UPF2: variants seen among roughly 807,000 people sequenced by gnomAD.
The protein encoded by UPF2 is UPF2 regulator of nonsense mediated mRNA decay, also known as regulator of nonsense transcripts 2.
UPF2 carries 17 observed loss-of-function variants against 141.4 expected under a neutral mutation model. The observed-to-expected ratio is 0.12, with a 90% confidence interval of 0.08 to 0.18. UPF2 has a LOEUF of 0.18. UPF2 is among the 10% of genes least tolerant of loss of function. UPF2 has a pLI of 1.00. For missense variants in UPF2, 1,152 were observed against 1,515.9 expected (o/e 0.76, Z 3.99); for synonymous variants, 540 against 498.0 (o/e 1.08, Z -1.12).
At position 11,936,785 on chromosome 10, in the gene UPF2, C is replaced by T. The variant is rs975708710; in HGVS notation, c.3379-73G>A. ...GATATATGTCAATATAAATTGCAAA[C>T]TCATTCAATGCTGTATTTCTTAAAA... On this transcript the variant is annotated intron_variant, in intron 18 of 21. Transcript: ENST00000357604. The surrounding 1 kb of genome is among the most constrained non-coding windows in gnomAD (Gnocchi z 6.6). 3 of 1,386,628 alleles carry T rather than the reference C, an allele frequency of 2.2e-6. No homozygotes were observed. In the African/African-American group the frequency reaches 4.4e-5, roughly 20 times the overall value. The allele number at this position is 1,386,628 out of a possible 1,614,324, so 85.9% of individuals were successfully genotyped here.
chr10:11,962,669 T>C (rs762683845), intron 11 of UPF2, among the ~76,000 whole-genome samples: 9 of 152,160 alleles, frequency 5.9e-5, no homozygotes, highest in African/African-American at 1.7e-4. Context: ...AATCTGATCA[T>C]ATCCACCCTA....
rs1257944555 is a variant in UPF2, at chr10:11,940,438, A to G, written c.3378+2227T>C. ...GCTTTCAATATACTCTACCCATCAC[A>G]TTTCTGTTTTCACTCCACGTAACCT... On this transcript the variant is annotated intron_variant, in intron 18 of 21. Coordinates refer to ENST00000357604, the MANE Select transcript of UPF2 (RefSeq NM_015542.4). This position sits in a 1 kb window ranked among gnomAD's most constrained non-coding sequence, Gnocchi z 4.2. Among the ~76,000 whole-genome samples the G allele has an allele frequency of 6.6e-6, 1 of 152,028 alleles. No individual in the cohort carries two copies. Among genetic ancestry groups the G allele is most frequent in the African/African-American group, 2.4e-5 (1 of 41,380 alleles).
intron 18 of UPF2, among the ~76,000 whole-genome samples, chr10:11,941,299 TATA>T (rs1307490496): frequency 1.3e-5 from 2 of 152,222 alleles, no homozygotes; most frequent in African/African-American, 4.8e-5. Context: ...TCCAAGGGAT[TATA>T]ATGATTATGT....
At chr10:11,961,177 A>G (rs1180349020) in intron 11 of UPF2, among the ~76,000 whole-genome samples, 1 of 152,112 alleles carries the variant, frequency 6.6e-6, no homozygotes, top group Admixed American at 6.6e-5. Context: ...CAGGACAGAC[A>G]TGATTCCTAC....
At chr10:12,024,143 A>G (rs920439000) in intron 3 of UPF2, among the ~76,000 whole-genome samples, 2 of 152,156 alleles carry the variant, frequency 1.3e-5, no homozygotes, top group Admixed American at 6.6e-5. Context: ...ATTTAGTCCT[A>G]TGATGTAGAA....
chr10:11,934,778 C>T (rs182298178), intron 19 of UPF2, among the ~76,000 whole-genome samples: 272 of 152,110 alleles, frequency 1.8e-3, no homozygotes, highest in African/African-American at 5.8e-3. Context: ...TTAGTAGAGA[C>T]GGGGTTTCAC....
intron 16 of UPF2, among the ~76,000 whole-genome samples, chr10:11,945,078 G>A (rs967956834): frequency 2.0e-5 from 3 of 152,194 alleles, no homozygotes; most frequent in Admixed American, 6.5e-5. Flanking sequence ...AACTATTACT[G>A]CTATTATAAG....
At chr10:11,942,871 A>C in intron 17 of UPF2, 108 bp from the exon 18 acceptor site, 1 of 1,003,468 alleles carries the variant, frequency 1.0e-6, no homozygotes, top group South Asian at 1.5e-5. Flanking sequence ...CAAGGAGTAA[A>C]GTGAGTAAAA....
intron 8 of UPF2, among the ~76,000 whole-genome samples, chr10:11,983,005 A>G (rs144590837): frequency 1.2e-3 from 187 of 152,214 alleles, no homozygotes; most frequent in Non-Finnish European, 2.1e-3. Flanking sequence ...TGTTACCCCT[A>G]CCCACCAAAA....
chr10:12,006,785 G>C (rs921595828), intron 4 of UPF2, among the ~76,000 whole-genome samples: 1 of 152,170 alleles, frequency 6.6e-6, no homozygotes, highest in South Asian at 2.1e-4. Flanking sequence ...AGAATTTCCT[G>C]AGTGAAAGGA....
intron 3 of UPF2, among the ~76,000 whole-genome samples, chr10:12,018,838 T>C (rs1834270058): frequency 6.6e-6 from 1 of 152,218 alleles, no homozygotes; most frequent in African/African-American, 2.4e-5. Context: ...GTACTAAAAA[T>C]GTCAGGGTAT....
intron 16 of UPF2, among the ~76,000 whole-genome samples, chr10:11,947,014 C>A (rs927692729): frequency 6.6e-6 from 1 of 152,206 alleles, no homozygotes; most frequent in African/African-American, 2.4e-5. Context: ...TTAGGTTGGC[C>A]AACATGGTGA....
chr10:11,979,309 T>A lies in UPF2; in HGVS notation c.1845-144A>T, dbSNP rs1833555684. ...CAGACATGCCTATTTATTGCCATCA[T>A]AAAGAAGTGTTTGAAAATTCAATGA... On this transcript the variant is annotated intron_variant, in intron 8 of 21. Transcript: ENST00000357604. The surrounding 1 kb of genome is among the most constrained non-coding windows in gnomAD (Gnocchi z 6.2). 1 of 533,512 alleles carries A rather than the reference T, an allele frequency of 1.9e-6. No homozygotes were observed. The allele number at this position is 533,512 out of a possible 1,614,324, so 33.0% of individuals were successfully genotyped here.
chr10:11,955,776 T>C (rs1833139326), intron 13 of UPF2, among the ~76,000 whole-genome samples: 1 of 152,240 alleles, frequency 6.6e-6, no homozygotes, highest in African/African-American at 2.4e-5. Flanking sequence ...AGTTAAAATG[T>C]AATTCTACCC....
chr10:12,003,338 C>T (rs1031767741), intron 5 of UPF2, among the ~76,000 whole-genome samples: 2 of 152,156 alleles, frequency 1.3e-5, no homozygotes, highest in African/African-American at 4.8e-5. Context: ...TCTCAAAAAA[C>T]ATACAATTTA....
In UPF2 at chr10:11,980,559, C is replaced by T. The variant is rs950455894; in HGVS notation, c.1845-1394G>A. Among the ~76,000 whole-genome samples the T allele has an allele frequency of 9.9e-5, 15 of 151,876 alleles. No individual in the cohort carries two copies. The highest frequency in any genetic ancestry group is 3.3e-4 in the Admixed American group (5 of 15,234). ...ACCAGCCTGGCCAATATGGTGAAAC[C>T]CCATCTCTACCAAAAATATAAAAAT... On this transcript the variant is annotated intron_variant, in intron 8 of 21. Transcript: ENST00000357604. The surrounding 1 kb of genome is among the most constrained non-coding windows in gnomAD (Gnocchi z 4.2).
At chr10:11,962,136 A>G (rs1164434445) in intron 11 of UPF2, among the ~76,000 whole-genome samples, 1 of 152,188 alleles carries the variant, frequency 6.6e-6, no homozygotes, top group African/African-American at 2.4e-5. Context: ...TTTAATCTCA[A>G]TTAGTCTCAA....
intron 2 of UPF2, among the ~76,000 whole-genome samples, chr10:12,030,807 C>T (rs1220022555): frequency 6.6e-6 from 1 of 151,382 alleles, no homozygotes; most frequent in Non-Finnish European, 1.5e-5. Flanking sequence ...TTGCTTGAAC[C>T]CGGGAGGCGC....
At chr10:12,009,776 G>A (rs1779972825) in intron 4 of UPF2, among the ~76,000 whole-genome samples, 1 of 152,172 alleles carries the variant, frequency 6.6e-6, no homozygotes, top group Non-Finnish European at 1.5e-5. Context: ...CAGTACCAGA[G>A]AGGAGAAACC....
Sources: allele counts gnomAD v4.1 joint callset (sites outside exome capture counted in the v4.1 genomes callset), GRCh38; gene constraint gnomAD v4.1.1; non-coding constraint Gnocchi (gnomAD v3.1); transcripts MANE v1.5; gene names NCBI Gene and HGNC (gene_info 2026-07-23, HGNC 2026-07-21).